The following MAPK4 variants were observed in gnomAD, a reference collection of about 807,000 sequenced individuals.
The protein encoded by MAPK4 is Erk3-related.
Under a neutral mutation model 47.7 loss-of-function variants are expected in MAPK4, and 22 were observed. That is an observed-to-expected ratio of 0.46 (90% CI 0.33 to 0.66). The LOEUF (loss-of-function observed/expected upper bound fraction) is 0.66. Ranked by LOEUF, MAPK4 falls within the 30% of genes least tolerant of loss-of-function variation. MAPK4 has a pLI of 0.02. For missense variants in MAPK4, 736 were observed against 831.7 expected (o/e 0.88, Z 1.42); for synonymous variants, 390 against 365.7 (o/e 1.07, Z -0.76).
intron 1 of MAPK4, among the ~76,000 whole-genome samples, chr18:50,563,311 T>C (rs1470297814): frequency 6.6e-6 from 1 of 152,164 alleles, no homozygotes; most frequent in Non-Finnish European, 1.5e-5. Context: ...TTGAGGGAAA[T>C]AGCGTTGGCA....
intron 1 of MAPK4, among the ~76,000 whole-genome samples, chr18:50,589,664 T>A (rs989218318): frequency 6.6e-6 from 1 of 151,720 alleles, no homozygotes; most frequent in Non-Finnish European, 1.5e-5. Flanking sequence ...TGAAGGCAAA[T>A]TATCGTTTAA....
intron 2 of MAPK4, among the ~76,000 whole-genome samples, chr18:50,684,608 G>A (rs995282345): frequency 4.6e-5 from 7 of 151,976 alleles, no homozygotes; most frequent in Admixed American, 6.6e-5. Context: ...TTCGGGGGGT[G>A]AGGAGAAGAC....
At chr18:50,708,758 C>T (rs1358493014) in intron 2 of MAPK4, among the ~76,000 whole-genome samples, 2 of 152,126 alleles carry the variant, frequency 1.3e-5, no homozygotes, top group Non-Finnish European at 2.9e-5. Flanking sequence ...GCCCTCTATT[C>T]AGGTCAAAGG....
chr18:50,594,550 A>G (rs1445647634), intron 1 of MAPK4, among the ~76,000 whole-genome samples: 1 of 152,234 alleles, frequency 6.6e-6, no homozygotes. Context: ...TAATCTGTAA[A>G]TAAAACAATC....
chr18:50,730,162 G>T lies in MAPK4; in HGVS notation c.*308G>T. 2 of 254,534 alleles carry T rather than the reference G, an allele frequency of 7.9e-6. No homozygotes were observed. Among genetic ancestry groups the T allele is most frequent in the Non-Finnish European group, 1.5e-5 (2 of 133,890 alleles). 15.8% of individuals were successfully genotyped at this position (254,534 alleles called of 1,614,324 possible). On this transcript the variant is annotated 3_prime_UTR_variant, in exon 6 of 6. Transcript: ENST00000400384. ...AGCAGTCTGCGGGCCCCACCTGGGT[G>T]GCAGGATGCCGAGAAATCTTGCAGA...
At chr18:50,644,833 G>A (rs2042973360) in intron 1 of MAPK4, among the ~76,000 whole-genome samples, 1 of 152,186 alleles carries the variant, frequency 6.6e-6, no homozygotes, top group African/African-American at 2.4e-5. Context: ...GGAACAGCAA[G>A]CGACCTTGGA....
At chr18:50,621,556 ACT>A (rs1222909775) in intron 1 of MAPK4, among the ~76,000 whole-genome samples, 6 of 151,988 alleles carry the variant, frequency 3.9e-5, no homozygotes, top group South Asian at 4.2e-4. Flanking sequence ...ATTTTAGCTG[ACT>A]CTCCAAGCAG....
intron 2 of MAPK4, among the ~76,000 whole-genome samples, chr18:50,687,364 C>T (rs2035189196): frequency 6.6e-6 from 1 of 152,190 alleles, no homozygotes; most frequent in Admixed American, 6.5e-5. Flanking sequence ...CCGCTACTTA[C>T]TAGAAGCCAG....
intron 1 of MAPK4, among the ~76,000 whole-genome samples, chr18:50,607,010 T>C (rs1207172312): frequency 6.6e-6 from 1 of 152,232 alleles, no homozygotes; most frequent in Non-Finnish European, 1.5e-5. Flanking sequence ...GAAATAAACC[T>C]GGCAGTGTTA....
Position 50,649,711 on chromosome 18 carries a change from G to A in MAPK4, c.-870-13378G>A, listed in dbSNP as rs574835189. Among the ~76,000 whole-genome samples, 39 of 151,728 alleles carry A rather than the reference G, an allele frequency of 2.6e-4. No individual in the cohort carries two copies. In the South Asian group the frequency reaches 4.4e-3, roughly 17 times the overall value. On this transcript the variant is annotated intron_variant, in intron 1 of 5. Transcript: ENST00000400384. ...TATCAAGTACTCTTCCTCCCAAAGGGTAGCTTGGAAGTAGGACTCTATATA... is the reference window on the plus strand; with the variant it reads ...TATCAAGTACTCTTCCTCCCAAAGGATAGCTTGGAAGTAGGACTCTATATA...
intron 3 of MAPK4, among the ~76,000 whole-genome samples, 196 bp downstream of exon 3, chr18:50,715,419 C>G (rs543110469): frequency 6.6e-6 from 1 of 152,288 alleles, no homozygotes; most frequent in South Asian, 2.1e-4. Context: ...AAAATAGTAG[C>G]CTTTTGAGCA....
intron 2 of MAPK4, among the ~76,000 whole-genome samples, chr18:50,675,502 A>T (rs1051591936): frequency 4.7e-5 from 7 of 149,786 alleles, no homozygotes; most frequent in Non-Finnish European, 8.9e-5. Context: ...TTATTTATTT[A>T]TTTTTTTTGA....
intron 1 of MAPK4, among the ~76,000 whole-genome samples, chr18:50,609,213 C>A (rs1380312732): frequency 6.6e-6 from 1 of 151,756 alleles, no homozygotes; most frequent in African/African-American, 2.4e-5. Context: ...CATCATGGCC[C>A]GTTCTCAATG....
chr18:50,635,320 A>G (rs932271281), intron 1 of MAPK4, among the ~76,000 whole-genome samples: 1 of 152,100 alleles, frequency 6.6e-6, no homozygotes, highest in African/African-American at 2.4e-5. Context: ...TTCAACTTCA[A>G]TGCCCCCTAT....
At chr18:50,669,913 ACTTTGGG>A (rs1403675426) in intron 2 of MAPK4, 2 of 152,334 alleles carry the variant, frequency 1.3e-5, no homozygotes, top group Non-Finnish European at 2.9e-5. Context: ...TAATCCCAGC[ACTTTGGG>A]AGGCCAAGGC....
chr18:50,712,773 T>C (rs942564236), intron 2 of MAPK4, among the ~76,000 whole-genome samples: 3 of 152,190 alleles, frequency 2.0e-5, no homozygotes, highest in Non-Finnish European at 4.4e-5. Flanking sequence ...ACTGTGCATT[T>C]ACATATCAGA....
At chr18:50,592,942 T>C (rs2042450679) in intron 1 of MAPK4, among the ~76,000 whole-genome samples, 1 of 152,216 alleles carries the variant, frequency 6.6e-6, no homozygotes, top group Non-Finnish European at 1.5e-5. Flanking sequence ...AACCATAATA[T>C]AGCACCTATT....
At position 50,686,024 on chromosome 18, in the gene MAPK4, C is replaced by CCCCTCAGG. The variant is rs553276153; in HGVS notation, c.546+21523_546+21524insTCAGGCCC. On this transcript the variant is annotated intron_variant, in intron 2 of 5. Transcript: ENST00000400384. ...GAAATCAGCCAGCCCCCTAGAAAGG[C>CCCCTCAGG]CCCCTAGAAGTAACTCACCTGAGGT... 4.8e-3 allele frequency among the ~76,000 whole-genome samples: 735 copies of CCCCTCAGG among 152,016 alleles called. 2 individuals carry two copies. Among genetic ancestry groups the CCCCTCAGG allele is most frequent in the African/African-American group, 0.016 (684 of 41,484 alleles).
rs139815007 is a variant in MAPK4, at chr18:50,710,809, A to G, written c.547-4270A>G. Among the ~76,000 whole-genome samples, 818 of 151,296 alleles carry G rather than the reference A, an allele frequency of 5.4e-3. 7 individuals carry two copies. The highest frequency in any genetic ancestry group is 0.018 in the African/African-American group (755 of 41,412). ...TAAATAAATAAATAAATAAATAAAT[A>G]AATAAATAAATAAATAAATTCATCA... On this transcript the variant is annotated intron_variant, in intron 2 of 5. Transcript: ENST00000400384.
Sources: gnomAD v4.1 joint callset for allele counts (sites outside exome capture counted in the v4.1 genomes callset) on GRCh38, gnomAD v4.1.1 for gene constraint, MANE v1.5 for transcripts, NCBI Gene and HGNC (gene_info 2026-07-23, HGNC 2026-07-21) for gene names.